DCAF13: variants seen among roughly 807,000 people sequenced by gnomAD.
DCAF13 encodes DDB1 and CUL4 associated factor 13.
In DCAF13, 38 loss-of-function variants were observed where a neutral mutation model predicts 59.0. The observed-to-expected ratio is 0.64, with a 90% CI of 0.50 to 0.84. The LOEUF (loss-of-function observed/expected upper bound fraction) is 0.84, where lower values mean the gene tolerates loss of function less well. Among genes scored for constraint, DCAF13 ranks in the 40% least tolerant of loss-of-function variants. DCAF13 has a pLI of 0.00. For synonymous variants in DCAF13, 173 were observed against 175.0 expected (o/e 0.99, Z 0.09); for missense variants, 469 against 558.4 (o/e 0.84, Z 1.61).
chr8:103,417,198 T>G (rs1321468205), intron 1 of DCAF13, among the ~76,000 whole-genome samples: 1 of 152,190 alleles, frequency 6.6e-6, no homozygotes, highest in Non-Finnish European at 1.5e-5. Context: ...GATTCCAGTA[T>G]GCAACCCGTC....
intron 7 of DCAF13, among the ~76,000 whole-genome samples, chr8:103,433,233 AAT>A: frequency 6.6e-6 from 1 of 152,230 alleles, no homozygotes; most frequent in South Asian, 2.1e-4. Context: ...ATCTGCCTGC[AAT>A]GTTTGTATTG....
In DCAF13 at chr8:103,441,955, CAG is replaced by C. The variant is rs1262561515; in HGVS notation, c.1250+338_1250+339del. On this transcript the variant is annotated intron_variant, in intron 10 of 10. Transcript: ENST00000612750. Reference sequence around the variant, plus strand: ...TAATTTTTTGTATTTTTAGTAGAGACAGGGTTTCACCATGTTAGCCAAGATGG... The same window carrying C: ...TAATTTTTTGTATTTTTAGTAGAGACGGTTTCACCATGTTAGCCAAGATGG... 2.5e-4 allele frequency: 51 copies of C among 204,532 alleles called. No homozygotes were observed. In the East Asian group the frequency reaches 7.3e-3, roughly 29 times the overall value. The allele number at this position is 204,532 out of a possible 1,614,324, so 12.7% of individuals were successfully genotyped here.
chr8:103,432,823 C>A, intron 7 of DCAF13, 82 bp downstream of exon 7: 1 of 837,696 alleles, frequency 1.2e-6, no homozygotes, highest in Non-Finnish European at 1.9e-6. Flanking sequence ...AAATATATAC[C>A]ACTAGGTAGG....
intron 2 of DCAF13, chr8:103,420,769 G>A: frequency 1.7e-6 from 1 of 584,364 alleles, no homozygotes; most frequent in African/African-American, 1.9e-5. Context: ...AAAAAGTTTT[G>A]TAACACTTTA....
intron 1 of DCAF13, among the ~76,000 whole-genome samples, chr8:103,418,854 ATATATATATATATTTTTTTTTTTTT>A (rs1816672079): frequency 4.1e-5 from 1 of 24,396 alleles, no homozygotes; most frequent in African/African-American, 1.7e-4. Context: ...ATATATATAT[ATATATATATATATTTTTTTTTTTTT>A]TTTTTTTTTT....
intron 2 of DCAF13, 199 bp downstream of exon 2, chr8:103,420,662 T>G (rs1203315874): frequency 8.4e-6 from 5 of 597,094 alleles, no homozygotes; most frequent in Non-Finnish European, 1.4e-5. Flanking sequence ...AGGATCAATT[T>G]GACAGTAAAT....
intron 9 of DCAF13, 184 bp downstream of exon 9, chr8:103,440,455 T>C: frequency 2.2e-6 from 1 of 457,138 alleles, no homozygotes; most frequent in East Asian, 3.7e-5. Flanking sequence ...TGATCTATTA[T>C]TGTAGACACT....
chr8:103,434,061 T>C (rs1816900770), intron 7 of DCAF13, among the ~76,000 whole-genome samples: 1 of 152,130 alleles, frequency 6.6e-6, no homozygotes, highest in Non-Finnish European at 1.5e-5. Context: ...ATATCCCTTA[T>C]AATAAGTGAC....
rs1019049876 is a variant in DCAF13, at chr8:103,440,131, T to C, written c.951-5T>C. ...AAGGGTTTTAACTTAATTCGTTTTC[T>C]ATAGGGAGGTATATCATACAAAGAG... On this transcript the variant is annotated splice_polypyrimidine_tract_variant and splice_region_variant and intron_variant, in intron 8 of 10. Coordinates refer to ENST00000612750, the MANE Select transcript of DCAF13 (RefSeq NM_015420.7). The C allele has an allele frequency of 6.4e-7, 1 of 1,557,502 alleles. No homozygotes were observed. The highest frequency in any genetic ancestry group is 1.4e-5 in the African/African-American group (1 of 71,366).
At chr8:103,436,329 A>G (rs1482542930) in intron 8 of DCAF13, among the ~76,000 whole-genome samples, 2 of 152,184 alleles carry the variant, frequency 1.3e-5, no homozygotes, top group Non-Finnish European at 2.9e-5. Context: ...CAAAAATTAA[A>G]AAAGAAATAA....
At chr8:103,420,564 C>A in intron 2 of DCAF13, 101 bp downstream of exon 2, 1 of 1,244,350 alleles carries the variant, frequency 8.0e-7, no homozygotes, top group Non-Finnish European at 1.1e-6. Context: ...TATTGGATTT[C>A]AATTTACTTC....
At chr8:103,441,145 A>C (rs1214655471) in intron 9 of DCAF13, 1 of 209,200 alleles carries the variant, frequency 4.8e-6, no homozygotes, top group Non-Finnish European at 9.5e-6. Flanking sequence ...TGAGTGATTT[A>C]GGTGCTTTTC....
At chr8:103,429,751 CA>C (rs1816836666) in intron 5 of DCAF13, 2 of 152,172 alleles carry the variant, frequency 1.3e-5, no homozygotes, top group African/African-American at 2.4e-5. Flanking sequence ...TACTGTCATA[CA>C]GATATTTTAA....
chr8:103,430,587 TG>T, intron 5 of DCAF13, 24 bp from the exon 6 acceptor site: 1 of 1,573,920 alleles, frequency 6.4e-7, no homozygotes, highest in Non-Finnish European at 8.7e-7. Context: ...GGCTTTGAAC[TG>T]GTGATTGTTA....
At chr8:103,427,410 T>G in intron 5 of DCAF13, 158 bp downstream of exon 5, 1 of 652,122 alleles carries the variant, frequency 1.5e-6, no homozygotes, top group Non-Finnish European at 2.6e-6. Flanking sequence ...ATACCTTTGC[T>G]CAAATCCCAA....
intron 4 of DCAF13, among the ~76,000 whole-genome samples, chr8:103,426,774 G>A (rs1485326436): frequency 6.6e-6 from 1 of 151,948 alleles, no homozygotes; most frequent in African/African-American, 2.4e-5. Flanking sequence ...ATTATGGTTA[G>A]TATATAATAT....
chr8:103,433,340 T>G (rs974826443), intron 7 of DCAF13, among the ~76,000 whole-genome samples: 7 of 152,138 alleles, frequency 4.6e-5, no homozygotes, highest in Admixed American at 4.6e-4. Context: ...CTTTTCAGTA[T>G]CCATATGAGG....
chr8:103,435,795 G>A lies in DCAF13; in HGVS notation c.950+5G>A, dbSNP rs1816924616. 1 of 1,612,944 alleles carries A rather than the reference G, an allele frequency of 6.2e-7. No individual in the cohort carries two copies. The highest frequency in any genetic ancestry group is 8.5e-7 in the Non-Finnish European group (1 of 1,179,542). On this transcript the variant is annotated splice_donor_5th_base_variant and intron_variant, in intron 8 of 10. Transcript: ENST00000612750. ...TGTAGACAAAAGTCGAAGCAGGTAT[G>A]TGCCTACCAGTAAGCCATTTATATT...
At chr8:103,438,851 A>T (rs1201675130) in intron 8 of DCAF13, among the ~76,000 whole-genome samples, 2 of 152,162 alleles carry the variant, frequency 1.3e-5, no homozygotes, top group East Asian at 3.8e-4. Context: ...TTATTTCTCC[A>T]GAAGTTTCAT....
Sources: gnomAD v4.1 joint callset for allele counts (sites outside exome capture counted in the v4.1 genomes callset) on GRCh38, gnomAD v4.1.1 for gene constraint, MANE v1.5 for transcripts, NCBI Gene and HGNC (gene_info 2026-07-23, HGNC 2026-07-21) for gene names.